The following HSPA12A variants were observed in gnomAD, a reference collection of about 807,000 sequenced individuals.
HSPA12A encodes heat shock protein family A (Hsp70) member 12A.
Under a neutral mutation model 69.2 loss-of-function variants are expected in HSPA12A, and 28 were observed. That is an observed-to-expected ratio of 0.40 (90% CI 0.30 to 0.55). HSPA12A has a LOEUF of 0.55. HSPA12A is among the 20% of genes least tolerant of loss of function. The pLI, the probability that HSPA12A is intolerant of heterozygous loss-of-function variation, is 0.38. For synonymous variants in HSPA12A, 345 were observed against 370.5 expected (o/e 0.93, Z 0.79); for missense variants, 686 against 900.7 (o/e 0.76, Z 3.05).
At chr10:116,821,196 T>A (rs1296950544) in intron 2 of HSPA12A, among the ~76,000 whole-genome samples, 3 of 152,188 alleles carry the variant, frequency 2.0e-5, no homozygotes, top group African/African-American at 7.2e-5. Context: ...TCACTCTCCC[T>A]CTCAAGACCC....
At position 116,773,633 on chromosome 10, in the gene HSPA12A, C is replaced by T. The variant is rs115066593; in HGVS notation, c.91+61302G>A. Among the ~76,000 whole-genome samples, 1,457 of 152,320 alleles carry T rather than the reference C, an allele frequency of 9.6e-3. 27 individuals are homozygous for T. The highest frequency in any genetic ancestry group is 0.033 in the African/African-American group (1,390 of 41,580). On this transcript the variant is annotated intron_variant, in intron 2 of 12. Coordinates refer to the HSPA12A transcript ENST00000635765. ...TATTCCCTGGCCAACCTGCCCAGCT[C>T]ACAGTGGGGGCCTCAGCCAAGGGTT... is the stretch of plus-strand genomic sequence containing the variant.
chr10:116,687,974 CATG>C (rs1385794954), intron 6 of HSPA12A, among the ~76,000 whole-genome samples: 2 of 152,180 alleles, frequency 1.3e-5, no homozygotes, highest in Non-Finnish European at 2.9e-5. Context: ...TTTCTTAAAA[CATG>C]ATGAGTTTTT....
chr10:116,714,340 C>T (rs1850541893), intron 1 of HSPA12A, among the ~76,000 whole-genome samples: 2 of 152,114 alleles, frequency 1.3e-5, no homozygotes, highest in Admixed American at 1.3e-4. Flanking sequence ...CCAGGTCTGC[C>T]TCTCTCCTCA....
chr10:116,805,451 T>C (rs1447735811), intron 2 of HSPA12A, among the ~76,000 whole-genome samples: 1 of 152,216 alleles, frequency 6.6e-6, no homozygotes, highest in Non-Finnish European at 1.5e-5. Flanking sequence ...TGGCACATTT[T>C]ATTTTCCTTA....
At chr10:116,803,418 G>A (rs1845001076) in intron 2 of HSPA12A, among the ~76,000 whole-genome samples, 1 of 152,218 alleles carries the variant, frequency 6.6e-6, no homozygotes, top group South Asian at 2.1e-4. Flanking sequence ...CAAGGACCCA[G>A]GTACTGCCTT....
At chr10:116,738,163 T>C (rs1394321591) in intron 1 of HSPA12A, among the ~76,000 whole-genome samples, 1 of 152,220 alleles carries the variant, frequency 6.6e-6, no homozygotes, top group Non-Finnish European at 1.5e-5. Context: ...CCAGGCCTTA[T>C]TGGAATCAAA....
intron 2 of HSPA12A, among the ~76,000 whole-genome samples, chr10:116,772,429 G>A (rs2133119798): frequency 6.6e-6 from 1 of 152,290 alleles, no homozygotes; most frequent in South Asian, 2.1e-4. Context: ...CAGACTCTGT[G>A]GAGCTGCATG....
At chr10:116,844,480 T>C (rs1465068705) in intron 1 of HSPA12A, among the ~76,000 whole-genome samples, 2 of 152,254 alleles carry the variant, frequency 1.3e-5, no homozygotes, top group African/African-American at 4.8e-5. Context: ...TTGGTAATCA[T>C]ATTTCTTATT....
Position 116,686,877 on chromosome 10 carries a change from C to T in HSPA12A, c.664-2915G>A, listed in dbSNP as rs1262851888. Among the ~76,000 whole-genome samples, 13 of 151,922 alleles carry T rather than the reference C, an allele frequency of 8.6e-5. No individual in the cohort carries two copies. Among genetic ancestry groups the T allele is most frequent in the South Asian group, 6.2e-4 (3 of 4,808 alleles). Reference sequence around the variant, plus strand: ...ATCCCTCTTCCCACACCATAAGCTCCGCCCCTCATCCCTCTTCCCACACTG... The same window carrying T: ...ATCCCTCTTCCCACACCATAAGCTCTGCCCCTCATCCCTCTTCCCACACTG... On this transcript the variant is annotated intron_variant, in intron 6 of 11. Transcript: ENST00000369209. The surrounding 1 kb of genome is among the most constrained non-coding windows in gnomAD (Gnocchi z 4.1).
intron 3 of HSPA12A, among the ~76,000 whole-genome samples, chr10:116,703,480 G>A (rs1009592544): frequency 2.0e-5 from 3 of 151,648 alleles, no homozygotes; most frequent in Admixed American, 6.6e-5. Flanking sequence ...GCTGCAGAGA[G>A]CCATGATCAC....
intron 2 of HSPA12A, among the ~76,000 whole-genome samples, chr10:116,768,521 G>T (rs1404369240): frequency 6.6e-6 from 1 of 152,082 alleles, no homozygotes; most frequent in Admixed American, 6.5e-5. Flanking sequence ...CAATTTATTT[G>T]ACCCTGTCTC....
chr10:116,806,970 G>A (rs887700148), intron 2 of HSPA12A, among the ~76,000 whole-genome samples: 2 of 152,040 alleles, frequency 1.3e-5, no homozygotes, highest in African/African-American at 4.8e-5. Context: ...ACACAGATAG[G>A]AGAGACACAC....
chr10:116,723,236 A>C lies in HSPA12A; in HGVS notation c.41-15951T>G. On this transcript the variant is annotated intron_variant, in intron 1 of 11. Transcript: ENST00000369209. The surrounding 1 kb of genome is among the most constrained non-coding windows in gnomAD (Gnocchi z 4.1). The stretch of plus-strand genomic sequence containing the variant: ...CCCCCATCATTCCTGTCCTCATACA[A>C]CCCCCTGCACAGCTGGGCTGTGTCC... 6.7e-6 allele frequency among the ~76,000 whole-genome samples: 1 copy of C among 149,598 alleles called. No homozygotes were observed. Among genetic ancestry groups the C allele is most frequent in the East Asian group, 2.0e-4 (1 of 4,996 alleles).
At chr10:116,844,714 C>A (rs1322269555) in intron 1 of HSPA12A, among the ~76,000 whole-genome samples, 1 of 152,092 alleles carries the variant, frequency 6.6e-6, no homozygotes, top group Non-Finnish European at 1.5e-5. Context: ...AAATGATATT[C>A]AACAGAGATG....
At chr10:116,691,227 A>C (rs1849728612) in intron 6 of HSPA12A, among the ~76,000 whole-genome samples, 1 of 152,054 alleles carries the variant, frequency 6.6e-6, no homozygotes, top group Non-Finnish European at 1.5e-5. Flanking sequence ...AAGGGGAGAG[A>C]GTGCAGGGAG....
At chr10:116,718,344 G>A (rs1475274254) in intron 1 of HSPA12A, among the ~76,000 whole-genome samples, 1 of 152,160 alleles carries the variant, frequency 6.6e-6, no homozygotes, top group Non-Finnish European at 1.5e-5. Context: ...GTAAGGGTAG[G>A]GAAGGTGAAG....
At chr10:116,742,344 G>A in intron 1 of HSPA12A, 86 bp downstream of exon 1, 3 of 1,306,390 alleles carry the variant, frequency 2.3e-6, no homozygotes, top group Admixed American at 3.6e-5. Context: ...CACGGCGCGC[G>A]AGGGGGTGCG....
rs200971754 is a variant in HSPA12A at position 116,679,550 on chromosome 10, G to A, written c.1239C>T (p.Tyr413=). The change falls in exon 10 of 12, where the codon TAC becomes TAT. Residue 413 remains tyrosine, a synonymous_variant. Transcript: ENST00000369209. ...ITLPFSFIDY[Y]KKFRGHSVEH... ...CCACACTGTGCCCGCGGAACTTCTT[G>A]TAGTAGTCAATGAAGGAGAAGGGCA... 4.3e-5 allele frequency: 69 copies of A among 1,614,230 alleles called. No individual in the cohort carries two copies. In the African/African-American group the frequency reaches 7.5e-4, roughly 17 times the overall value.
intron 1 of HSPA12A, among the ~76,000 whole-genome samples, chr10:116,720,544 AC>A (rs1239246161): frequency 1.3e-5 from 2 of 152,252 alleles, no homozygotes; most frequent in Non-Finnish European, 2.9e-5. Flanking sequence ...CCAAGGCCAG[AC>A]GTGCCATCCT....
Sources: allele counts gnomAD v4.1 joint callset (sites outside exome capture counted in the v4.1 genomes callset), GRCh38; gene constraint gnomAD v4.1.1; non-coding constraint Gnocchi (gnomAD v3.1); transcripts MANE v1.5; gene names NCBI Gene and HGNC (gene_info 2026-07-23, HGNC 2026-07-21).